Variants in SNX24 observed in about 807,000 individuals in gnomAD.
SNX24 encodes the protein sorting nexin 24.
A neutral mutation model predicts 28.7 loss-of-function variants in SNX24; 22 were observed. That is an observed-to-expected ratio of 0.77 (90% CI 0.55 to 1.10). The LOEUF (loss-of-function observed/expected upper bound fraction) is 1.10, where lower values mean the gene tolerates loss of function less well. Among genes scored for constraint, SNX24 ranks in the 50% least tolerant of loss-of-function variants. The pLI is 0.00. For synonymous variants in SNX24, 69 were observed against 71.5 expected (o/e 0.96, Z 0.18); for missense variants, 221 against 201.1 (o/e 1.10, Z -0.60).
At chr5:122,932,063 G>A (rs1454265637) in intron 1 of SNX24, among the ~76,000 whole-genome samples, 1 of 151,988 alleles carries the variant, frequency 6.6e-6, no homozygotes, top group East Asian at 1.9e-4. Flanking sequence ...AAAAAAAGTT[G>A]GCTCTGACAT....
chr5:122,900,339 C>A (rs1311070998), intron 1 of SNX24, among the ~76,000 whole-genome samples: 1 of 152,090 alleles, frequency 6.6e-6, no homozygotes, highest in Admixed American at 6.5e-5. Flanking sequence ...TGTGTAGCAG[C>A]AATTTTTAAA....
At chr5:122,970,451 G>A (rs755971632) in intron 3 of SNX24, among the ~76,000 whole-genome samples, 2 of 151,896 alleles carry the variant, frequency 1.3e-5, no homozygotes, top group Admixed American at 6.6e-5. Flanking sequence ...CCAGGTATTC[G>A]GAATTCCAGC....
chr5:122,856,864 G>A (rs187858362), intron 1 of SNX24, among the ~76,000 whole-genome samples: 6 of 152,204 alleles, frequency 3.9e-5, no homozygotes, highest in South Asian at 4.2e-4. Flanking sequence ...AAAAGTTTCC[G>A]TGACTCCAAA....
At chr5:122,936,055 C>T (rs1581769886) in intron 1 of SNX24, among the ~76,000 whole-genome samples, 2 of 152,130 alleles carry the variant, frequency 1.3e-5, no homozygotes, top group Admixed American at 6.5e-5. Context: ...ACCCACTGAC[C>T]CAAGAATCAA....
intron 3 of SNX24, among the ~76,000 whole-genome samples, chr5:122,983,628 G>A (rs574347792): frequency 6.6e-6 from 1 of 152,290 alleles, no homozygotes; most frequent in Non-Finnish European, 1.5e-5. Context: ...TGTTGAAACA[G>A]GGTCTCATCT....
intron 1 of SNX24, among the ~76,000 whole-genome samples, chr5:122,878,268 G>A (rs1381530031): frequency 6.6e-6 from 1 of 152,120 alleles, no homozygotes; most frequent in Admixed American, 6.6e-5. Context: ...ATGGAGGCCT[G>A]TTGTGTGGTT....
At chr5:122,890,974 A>G (rs1581711716) in intron 1 of SNX24, 2 of 1,382,870 alleles carry the variant, frequency 1.4e-6, no homozygotes, top group African/African-American at 1.5e-5. Flanking sequence ...TTTAAATAGT[A>G]TATAAGAGTA....
At chr5:122,930,760 T>A (rs1436772280) in intron 1 of SNX24, among the ~76,000 whole-genome samples, 1 of 152,208 alleles carries the variant, frequency 6.6e-6, no homozygotes, top group Non-Finnish European at 1.5e-5. Flanking sequence ...TTTGCTATCA[T>A]GAATTTTCTT....
rs1762509306 is a variant in SNX24, at chr5:123,009,130, T to C, written c.*1381T>C. 2.0e-6 allele frequency: 2 copies of C among 985,026 alleles called. No homozygotes were observed. The highest frequency in any genetic ancestry group is 1.1e-4 in the East Asian group (1 of 8,834). The allele number at this position is 985,026 out of a possible 1,614,324, so 61.0% of individuals were successfully genotyped here. ...AAATGTTGTCAACCAAAAGTAATAGTTGGGTATTGGAGATTTTTTTAAAAT... is the reference window on the plus strand; with the variant it reads ...AAATGTTGTCAACCAAAAGTAATAGCTGGGTATTGGAGATTTTTTTAAAAT... On this transcript the variant is annotated 3_prime_UTR_variant, in exon 7 of 7. Coordinates refer to ENST00000261369, the MANE Select transcript of SNX24 (RefSeq NM_014035.4).
At chr5:122,889,685 A>G (rs1483354096) in intron 1 of SNX24, among the ~76,000 whole-genome samples, 2 of 142,992 alleles carry the variant, frequency 1.4e-5, no homozygotes, top group African/African-American at 2.6e-5. Flanking sequence ...GTGTATATAT[A>G]TGTATATGTA....
chr5:123,018,404 T>C (rs1056251452), intron 5 of SNX24, among the ~76,000 whole-genome samples: 2 of 152,200 alleles, frequency 1.3e-5, no homozygotes, highest in East Asian at 1.9e-4. Flanking sequence ...AATAGAGATA[T>C]CTGGATCCTG....
chr5:122,871,643 G>C (rs1398098673), intron 1 of SNX24, among the ~76,000 whole-genome samples: 1 of 152,050 alleles, frequency 6.6e-6, no homozygotes, highest in Non-Finnish European at 1.5e-5. Flanking sequence ...GGTGACATGC[G>C]CCTGTAATCC....
At chr5:122,889,393 C>T (rs1756853500) in intron 1 of SNX24, among the ~76,000 whole-genome samples, 1 of 151,828 alleles carries the variant, frequency 6.6e-6, no homozygotes, top group African/African-American at 2.4e-5. Context: ...AATCTGAAAT[C>T]TGAAGTGCTC....
At chr5:122,980,668 C>T (rs1761353081) in intron 3 of SNX24, among the ~76,000 whole-genome samples, 1 of 150,606 alleles carries the variant, frequency 6.6e-6, no homozygotes. Context: ...TGCTGGTGTG[C>T]TCAGTCGGGT....
intron 6 of SNX24, among the ~76,000 whole-genome samples, chr5:123,005,105 A>G (rs545992739): frequency 6.6e-6 from 1 of 152,356 alleles, no homozygotes; most frequent in South Asian, 2.1e-4. Context: ...AACCCTGATT[A>G]TGTTATTTCT....
At chr5:122,927,853 G>T (rs1455791576) in intron 1 of SNX24, among the ~76,000 whole-genome samples, 1 of 152,126 alleles carries the variant, frequency 6.6e-6, no homozygotes, top group African/African-American at 2.4e-5. Flanking sequence ...CATGTCTAAT[G>T]TGCATCTCAA....
chr5:122,992,623 G>A (rs1761902090), intron 3 of SNX24, among the ~76,000 whole-genome samples: 2 of 152,276 alleles, frequency 1.3e-5, no homozygotes, highest in Non-Finnish European at 2.9e-5. Context: ...CAGGTTAATA[G>A]GGGTGCTTTG....
chr5:122,976,846 ATGAT>A (rs1433500016), intron 3 of SNX24, among the ~76,000 whole-genome samples: 10 of 152,228 alleles, frequency 6.6e-5, no homozygotes, highest in African/African-American at 2.4e-4. Flanking sequence ...TCATATGTCT[ATGAT>A]TGCTTGTGAG....
chr5:122,892,593 CCA>C (rs1218686217), intron 1 of SNX24, among the ~76,000 whole-genome samples: 1 of 151,722 alleles, frequency 6.6e-6, no homozygotes, highest in Admixed American at 6.6e-5. Flanking sequence ...GCGCCCACCA[CCA>C]TGCCCCGTTA....
Sources: allele counts gnomAD v4.1 joint callset (sites outside exome capture counted in the v4.1 genomes callset), GRCh38; gene constraint gnomAD v4.1.1; transcripts MANE v1.5; gene names NCBI Gene and HGNC (gene_info 2026-07-23, HGNC 2026-07-21).